The following OR5AS1 variants were observed in gnomAD, a reference collection of about 807,000 sequenced individuals.
OR5AS1 encodes the protein olfactory receptor family 5 subfamily AS member 1.
For missense variants in OR5AS1, 492 were observed against 378.2 expected (o/e 1.30, Z -2.50); for synonymous variants, 196 against 141.7 (o/e 1.38, Z -2.72).
rs201114315 is a variant in OR5AS1 at position 56,031,371 on chromosome 11, G to T, written c.953G>T (p.Arg318Leu). 1 of 1,539,188 alleles carries T rather than the reference G, an allele frequency of 6.5e-7. No individual in the cohort carries two copies. Among genetic ancestry groups the T allele is most frequent in the Non-Finnish European group, 8.7e-7 (1 of 1,144,120 alleles). Residue 318 changes from arginine to leucine, a missense_variant, in exon 2 of 2, where the codon CGT becomes CTT. By Grantham distance (102) the Arg-to-Leu change is moderately radical. Transcript: ENST00000641320. ...IGYSNEWYLN[R>L]LRIVNI ...TATTCAAATGAATGGTATTTAAATCGTTTAAGAATAGTCAATATCTAACTT... is the reference window on the plus strand; with the variant it reads ...TATTCAAATGAATGGTATTTAAATCTTTTAAGAATAGTCAATATCTAACTT...
intron 1 of OR5AS1, among the ~76,000 whole-genome samples, chr11:56,029,485 G>A (rs890972634): frequency 6.6e-6 from 1 of 151,500 alleles, no homozygotes; most frequent in Non-Finnish European, 1.5e-5. Context: ...CAATGATAGG[G>A]CATGAGTAAA....
rs763240593 is a variant in OR5AS1 at position 56,031,033 on chromosome 11, C to T, written c.615C>T (p.Phe205=). The T allele has an allele frequency of 6.2e-7, 1 of 1,614,164 alleles. No individual in the cohort carries two copies. The highest frequency in any genetic ancestry group is 1.1e-5 in the South Asian group (1 of 91,088). ...TTCTGCTCTTTGCTTTGTGCAGCTT[C>T]ATCCAGACCAGCACTTTTGTGGTAA... is the stretch of plus-strand genomic sequence containing the variant. The part of the protein sequence containing the change: ...NQLLLFALCS[F]IQTSTFVVIF... Residue 205 remains phenylalanine, a synonymous_variant, in exon 2 of 2, where the codon TTC becomes TTT. Coordinates refer to ENST00000641320, the MANE Select transcript of OR5AS1 (RefSeq NM_001001921.2).
Position 56,031,199 on chromosome 11 carries a change from C to G in OR5AS1, c.781C>G (p.Gln261Glu), listed in dbSNP as rs140278865. 181 of 1,613,600 alleles carry G rather than the reference C, an allele frequency of 1.1e-4. No individual in the cohort carries two copies. Among genetic ancestry groups the G allele is most frequent in the Non-Finnish European group, 1.5e-4 (176 of 1,179,754 alleles). Residue 261 changes from glutamine to glutamate, a missense_variant, in exon 2 of 2, where the codon CAG becomes GAG. Physicochemically the swap from Gln to Glu is conservative, Grantham distance 29. Transcript: ENST00000641320. Reference protein sequence around the residue: ...FYGALLFMYLQPTTSYSLDTD... With the variant: ...FYGALLFMYLEPTTSYSLDTD... ...TGGAGCGCTCCTGTTTATGTACTTA[C>G]AGCCCACCACTAGCTATTCCCTAGA...
chr11:56,035,390 C>T lies in OR5AS1; in HGVS notation c.*3997C>T, dbSNP rs1276328794. The T allele has an allele frequency of 6.6e-6, 1 of 151,042 alleles. No homozygotes were observed. The highest frequency in any genetic ancestry group is 1.5e-5 in the Non-Finnish European group (1 of 67,910). The allele number at this position is 151,042 out of a possible 1,614,324, so 9.4% of individuals were successfully genotyped here. ...AGACCGATCTCATGTGCAAAGCATA[C>T]ATAGGCTCAAAATAACGGGATGGAG... is the stretch of plus-strand genomic sequence containing the variant. On this transcript the variant is annotated 3_prime_UTR_variant, in exon 2 of 2. Coordinates refer to ENST00000641320, the MANE Select transcript of OR5AS1 (RefSeq NM_001001921.2).
In OR5AS1 at chr11:56,030,731, G is replaced by C. The variant is rs370300707; in HGVS notation, c.313G>C (p.Ala105Pro). 2.5e-6 allele frequency: 4 copies of C among 1,611,632 alleles called. No homozygotes were observed. Among genetic ancestry groups the C allele is most frequent in the Non-Finnish European group, 3.4e-6 (4 of 1,178,470 alleles). The stretch of plus-strand genomic sequence containing the variant: ...GTGTGCACTACAAATGTTTTTCTTC[G>C]CTTCTTTTGCTGATGCTGAGTGCCT... ...YGCALQMFFF[A>P]SFADAECLIL... The change falls in exon 2 of 2, where the codon GCT (alanine) becomes CCT (proline). Residue 105 changes from alanine to proline, a missense_variant. By Grantham distance (27) the Ala-to-Pro change is conservative (BLOSUM62 -1). Coordinates refer to ENST00000641320, the MANE Select transcript of OR5AS1 (RefSeq NM_001001921.2).
chr11:56,029,227 A>C (rs1174195602), intron 1 of OR5AS1, among the ~76,000 whole-genome samples: 1 of 152,038 alleles, frequency 6.6e-6, no homozygotes, highest in Non-Finnish European at 1.5e-5. Flanking sequence ...GACACTTCTC[A>C]CTTCCAAATG....
intron 1 of OR5AS1, among the ~76,000 whole-genome samples, chr11:56,029,409 A>G (rs1292226968): frequency 1.3e-5 from 2 of 152,000 alleles, no homozygotes; most frequent in Non-Finnish European, 2.9e-5. Flanking sequence ...TGTTTCTGGA[A>G]CCTCACACCA....
chr11:56,033,083 T>A lies in OR5AS1; in HGVS notation c.*1690T>A, dbSNP rs1379388144. The A allele has an allele frequency of 1.3e-5, 2 of 152,312 alleles. No individual in the cohort carries two copies. The highest frequency in any genetic ancestry group is 2.9e-5 in the Non-Finnish European group (2 of 68,240). 9.4% of individuals were successfully genotyped at this position (152,312 alleles called of 1,614,324 possible). ...GAAGGACTGTGCCATGAGGAACGGG[T>A]GCACTCTGGCCCAGATACTATGCTT... On this transcript the variant is annotated 3_prime_UTR_variant, in exon 2 of 2. Transcript: ENST00000641320.
intron 1 of OR5AS1, among the ~76,000 whole-genome samples, chr11:56,029,620 G>T (rs1288048700): frequency 6.6e-6 from 1 of 151,742 alleles, no homozygotes; most frequent in African/African-American, 2.4e-5. Flanking sequence ...TATTGAGAAT[G>T]ATCTGGATAT....
At position 56,031,404 on chromosome 11, in the gene OR5AS1, C is replaced by T. The variant is rs1271223430; in HGVS notation, c.*11C>T. Reference sequence around the variant, plus strand: ...ATAGTCAATATCTAACTTACCCTTCCAATCTCATAAACAGCAATTATGCCA... The same window carrying T: ...ATAGTCAATATCTAACTTACCCTTCTAATCTCATAAACAGCAATTATGCCA... On this transcript the variant is annotated 3_prime_UTR_variant, in exon 2 of 2. Coordinates refer to ENST00000641320, the MANE Select transcript of OR5AS1 (RefSeq NM_001001921.2). 1.4e-6 allele frequency: 2 copies of T among 1,466,718 alleles called. No individual in the cohort carries two copies. Among genetic ancestry groups the T allele is most frequent in the South Asian group, 1.3e-5 (1 of 75,096 alleles). 90.9% of individuals were successfully genotyped at this position (1,466,718 alleles called of 1,614,324 possible). A position where few individuals can be genotyped will look rare whatever the true frequency, so the allele number is the denominator to read the frequency against.
chr11:56,033,405 C>G lies in OR5AS1; in HGVS notation c.*2012C>G, dbSNP rs1423223345. On this transcript the variant is annotated 3_prime_UTR_variant, in exon 2 of 2. Transcript: ENST00000641320. ...AAATTCTTCCTGCAAGCATAGCAGT[C>G]TGAAGTTGACCTGGGATGCTCGAGC... 6.6e-6 allele frequency: 1 copy of G among 152,444 alleles called. No homozygotes were observed. The highest frequency in any genetic ancestry group is 2.1e-4 in the South Asian group (1 of 4,842). The allele number at this position is 152,444 out of a possible 1,614,324, so 9.4% of individuals were successfully genotyped here. A position where few individuals can be genotyped will look rare whatever the true frequency, so the allele number is the denominator to read the frequency against.
chr11:56,029,954 C>T (rs769118933), intron 1 of OR5AS1, among the ~76,000 whole-genome samples: 5 of 152,056 alleles, frequency 3.3e-5, no homozygotes, highest in African/African-American at 4.8e-5. Flanking sequence ...TGTGATTACA[C>T]AGTTTTAAAT....
rs1853356925 is a variant in OR5AS1, at chr11:56,032,009, T to C, written c.*616T>C. On this transcript the variant is annotated 3_prime_UTR_variant, in exon 2 of 2. Coordinates refer to ENST00000641320, the MANE Select transcript of OR5AS1 (RefSeq NM_001001921.2). ...AGTCTATATTTGTACTCACAAAGCA[T>C]TTGTCAATAGAGATATTTTATAATA... is the stretch of plus-strand genomic sequence containing the variant. 1 of 152,168 alleles carries C rather than the reference T, an allele frequency of 6.6e-6. No individual in the cohort carries two copies. The highest frequency in any genetic ancestry group is 2.1e-4 in the South Asian group (1 of 4,832). 9.4% of individuals were successfully genotyped at this position (152,168 alleles called of 1,614,324 possible). A position where few individuals can be genotyped will look rare whatever the true frequency, so the allele number is the denominator to read the frequency against.
Position 56,031,296 on chromosome 11 carries a change from G to T in OR5AS1, c.878G>T (p.Arg293Ile), listed in dbSNP as rs1362606487. ...TTTAATCCAATAATTTATAGTTTCA[G>T]AAACAAGGATGTGAAAAATGCTCTC... ...PMFNPIIYSF[R>I]NKDVKNALKK... Residue 293 changes from arginine to isoleucine, a missense_variant, in exon 2 of 2, where the codon AGA becomes ATA. Transcript: ENST00000641320. 9 of 1,609,548 alleles carry T rather than the reference G, an allele frequency of 5.6e-6. No homozygotes were observed. Among genetic ancestry groups the T allele is most frequent in the African/African-American group, 1.3e-5 (1 of 74,652 alleles).
At position 56,032,621 on chromosome 11, in the gene OR5AS1, T is replaced by C. The variant is rs1380108988; in HGVS notation, c.*1228T>C. On this transcript the variant is annotated 3_prime_UTR_variant, in exon 2 of 2. Coordinates refer to ENST00000641320, the MANE Select transcript of OR5AS1 (RefSeq NM_001001921.2). ...GACAATAAGATAGCACCTAATGAAA[T>C]GGATTGTTTTGAGTATTAAGTAAAG... 1 of 152,128 alleles carries C rather than the reference T, an allele frequency of 6.6e-6. No individual in the cohort carries two copies. Among genetic ancestry groups the C allele is most frequent in the Non-Finnish European group, 1.5e-5 (1 of 68,028 alleles). 9.4% of individuals were successfully genotyped at this position (152,128 alleles called of 1,614,324 possible). A position where few individuals can be genotyped will look rare whatever the true frequency, so the allele number is the denominator to read the frequency against.
intron 1 of OR5AS1, among the ~76,000 whole-genome samples, chr11:56,029,530 G>A (rs368459607): frequency 6.7e-6 from 1 of 149,168 alleles, no homozygotes; most frequent in Non-Finnish European, 1.5e-5. Flanking sequence ...TTTGTATATA[G>A]CACACACACA....
chr11:56,030,493 C>T lies in OR5AS1; in HGVS notation c.75C>T (p.Val25=), dbSNP rs763038623. 3 of 1,524,204 alleles carry T rather than the reference C, an allele frequency of 2.0e-6. No individual in the cohort carries two copies. The highest frequency in any genetic ancestry group is 2.6e-6 in the Non-Finnish European group (3 of 1,133,034). 94.4% of individuals were successfully genotyped at this position (1,524,204 alleles called of 1,614,324 possible). The change falls in exon 2 of 2, where the codon GTC becomes GTT. Residue 25 remains valine (V), a synonymous_variant. Transcript: ENST00000641320. ...TCACAGATTATCTACCTCTCAGAGT[C>T]ACACTGTTCTTGGTATTCCTTCTGG... The part of the protein sequence containing the change: ...VGFTDYLPLR[V]TLFLVFLLVY...
chr11:56,030,383 C>T lies in OR5AS1; in HGVS notation c.-28-8C>T. 1.5e-6 allele frequency: 2 copies of T among 1,360,784 alleles called. No individual in the cohort carries two copies. Among genetic ancestry groups the T allele is most frequent in the Non-Finnish European group, 9.6e-7 (1 of 1,038,308 alleles). 84.3% of individuals were successfully genotyped at this position (1,360,784 alleles called of 1,614,324 possible). ...TCAAGTTAACTCACATCTGCTGATA[C>T]TACCTAGGTCCAGTGGGAAAAACAA... is the stretch of plus-strand genomic sequence containing the variant. On this transcript the variant is annotated splice_region_variant and splice_polypyrimidine_tract_variant and intron_variant, in intron 1 of 1. Coordinates refer to ENST00000641320, the MANE Select transcript of OR5AS1 (RefSeq NM_001001921.2).
intron 1 of OR5AS1, 102 bp downstream of exon 1, chr11:56,027,814 T>TGC (rs1314260938): frequency 6.6e-6 from 1 of 151,170 alleles, no homozygotes; most frequent in Non-Finnish European, 1.5e-5. Context: ...TATTTCTGTG[T>TGC]GTGTGTGTGT....
Sources: allele counts gnomAD v4.1 joint callset (sites outside exome capture counted in the v4.1 genomes callset), GRCh38; gene constraint gnomAD v4.1.1; transcripts MANE v1.5; gene names NCBI Gene and HGNC (gene_info 2026-07-23, HGNC 2026-07-21).